Variants in FAM20C observed in about 807,000 individuals in gnomAD.
FAM20C encodes the protein extracellular serine/threonine protein kinase FAM20C.
In FAM20C, 40 loss-of-function variants were observed where a neutral mutation model predicts 51.5. That is an observed-to-expected ratio of 0.78 (90% CI 0.60 to 1.01). The LOEUF is 1.01. FAM20C is among the 50% of genes least tolerant of loss of function. The pLI is 0.00. For missense variants in FAM20C, 861 were observed against 844.7 expected (o/e 1.02, Z -0.24); for synonymous variants, 406 against 380.6 (o/e 1.07, Z -0.78).
chr7:217,262 C>T (rs1185513164), intron 3 of FAM20C, among the ~76,000 whole-genome samples: 1 of 152,060 alleles, frequency 6.6e-6, no homozygotes, highest in Non-Finnish European at 1.5e-5. Flanking sequence ...TTCTGCGGGA[C>T]CTGTGTGCAG....
chr7:258,342 A>T lies in FAM20C; in HGVS notation c.1446-304A>T, dbSNP rs553798474. Among the ~76,000 whole-genome samples, 226 of 24,382 alleles carry T rather than the reference A, an allele frequency of 9.3e-3. 9 individuals carry two copies. Among genetic ancestry groups the T allele is most frequent in the Middle Eastern group, 0.038 (1 of 26 alleles). The allele number at this position is 24,382 out of a possible 152,430, so 16.0% of individuals were successfully genotyped here. On this transcript the variant is annotated intron_variant, in intron 8 of 9. Coordinates refer to ENST00000313766, the MANE Select transcript of FAM20C (RefSeq NM_020223.4). The stretch of plus-strand genomic sequence containing the variant: ...ACTGCCCGGGGTGCTGGAGATGGGC[A>T]GGGTGGACCCACTGCCTGAGGTGCT...
chr7:259,716 C>T lies in FAM20C; in HGVS notation c.1506-15C>T, dbSNP rs1285874391. 1 of 1,527,362 alleles carries T rather than the reference C, an allele frequency of 6.5e-7. No homozygotes were observed. The highest frequency in any genetic ancestry group is 2.5e-5 in the East Asian group (1 of 40,688). 94.6% of individuals were successfully genotyped at this position (1,527,362 alleles called of 1,614,324 possible). On this transcript the variant is annotated splice_polypyrimidine_tract_variant and intron_variant, in intron 9 of 9. Coordinates refer to ENST00000313766, the MANE Select transcript of FAM20C (RefSeq NM_020223.4). ...CCCTGTCCCGTGCCAGGCCTGATGC[C>T]CCTCTCCTCCCCAGGATCCGGAAGT... is the stretch of plus-strand genomic sequence containing the variant.
chr7:196,958 C>G (rs1385949174), intron 2 of FAM20C, among the ~76,000 whole-genome samples: 2 of 152,180 alleles, frequency 1.3e-5, no homozygotes, highest in Non-Finnish European at 2.9e-5. Context: ...CCAGGCCCCC[C>G]TCCGTGAAAG....
chr7:195,372 C>T, intron 1 of FAM20C, 182 bp from the exon 2 acceptor site: 1 of 474,030 alleles, frequency 2.1e-6, no homozygotes, highest in Non-Finnish European at 3.6e-6. Flanking sequence ...TAGTTGGCAG[C>T]CGAGCGGCCA....
intron 3 of FAM20C, among the ~76,000 whole-genome samples, chr7:218,741 G>A (rs1385560972): frequency 6.6e-6 from 1 of 152,214 alleles, no homozygotes; most frequent in East Asian, 1.9e-4. Context: ...TGGGAGAGGT[G>A]ACAGGAGCTG....
At chr7:193,853 A>C (rs1785718100) in intron 1 of FAM20C, 49 bp downstream of exon 1, 13 of 1,538,134 alleles carry the variant, frequency 8.5e-6, no homozygotes, top group African/African-American at 1.4e-5. Context: ...CGTGAGCCCA[A>C]GGCATGGTGT....
At chr7:246,314 C>A in intron 3 of FAM20C, 101 bp from the exon 4 acceptor site, 1 of 998,056 alleles carries the variant, frequency 1.0e-6, no homozygotes, top group Non-Finnish European at 1.5e-6. Context: ...TGGAGCTCCA[C>A]CGCATTTTTC....
chr7:256,136 G>A, intron 6 of FAM20C, 107 bp downstream of exon 6: 1 of 1,339,258 alleles, frequency 7.5e-7, no homozygotes, highest in South Asian at 1.4e-5. Context: ...AGAGATGGGT[G>A]CAGAGCCTGC....
intron 3 of FAM20C, among the ~76,000 whole-genome samples, chr7:230,754 T>C (rs28648744): frequency 4.0e-4 from 17 of 42,422 alleles, no homozygotes; most frequent in East Asian, 2.0e-3. Flanking sequence ...TAATACCTAT[T>C]GGTAAATGAA....
chr7:216,605 C>G lies in FAM20C; in HGVS notation c.863+7629C>G, dbSNP rs112068709. 2.0e-4 allele frequency among the ~76,000 whole-genome samples: 29 copies of G among 144,932 alleles called. 1 individual carries two copies. Among genetic ancestry groups the G allele is most frequent in the African/African-American group, 7.4e-4 (28 of 37,728 alleles). ...CCTGCTCTTTCCAGCCTGGGAGTTT[C>G]TGTGTGTGTGTGTATGAGTGTGTGT... On this transcript the variant is annotated intron_variant, in intron 3 of 9. Coordinates refer to ENST00000313766, the MANE Select transcript of FAM20C (RefSeq NM_020223.4).
intron 1 of FAM20C, 124 bp downstream of exon 1, chr7:193,928 G>C (rs945908652): frequency 1.2e-5 from 16 of 1,357,528 alleles, no homozygotes; most frequent in Admixed American, 3.0e-5. Flanking sequence ...AGTGTGGTGC[G>C]GGAGGAGGCA....
chr7:232,348 C>T (rs1488347234), intron 3 of FAM20C, among the ~76,000 whole-genome samples: 1 of 152,228 alleles, frequency 6.6e-6, no homozygotes, highest in Non-Finnish European at 1.5e-5. Context: ...CCTCTCAGAC[C>T]CCGTCCAGGG....
In FAM20C at chr7:195,453, A is replaced by G. The variant is rs1032426861; in HGVS notation, c.606-101A>G. On this transcript the variant is annotated intron_variant, in intron 1 of 9. Coordinates refer to ENST00000313766, the MANE Select transcript of FAM20C (RefSeq NM_020223.4). Reference sequence around the variant, plus strand: ...CCTTCAACACATCTGCACTTGCTTGAACCCAAAGTTAAAAACACTGGCGTC... The same window carrying G: ...CCTTCAACACATCTGCACTTGCTTGGACCCAAAGTTAAAAACACTGGCGTC... The G allele has an allele frequency of 4.1e-6, 5 of 1,211,044 alleles. 1 individual carries two copies. In the Admixed American group the frequency reaches 1.4e-4, roughly 33 times the overall value. The allele number at this position is 1,211,044 out of a possible 1,614,324, so 75.0% of individuals were successfully genotyped here.
intron 8 of FAM20C, chr7:257,313 C>T (rs1016089088): frequency 3.5e-6 from 2 of 569,840 alleles, no homozygotes; most frequent in African/African-American, 1.9e-5. Flanking sequence ...ATGCTGCAGA[C>T]CAAGTCCCGG....
chr7:259,674 C>A, intron 9 of FAM20C, 57 bp from the exon 10 acceptor site: 4 of 1,466,724 alleles, frequency 2.7e-6, no homozygotes, highest in Non-Finnish European at 3.6e-6. Flanking sequence ...TCTCGCTTTC[C>A]CGTGGGCAGG....
At chr7:205,618 C>T (rs1180742117) in intron 2 of FAM20C, among the ~76,000 whole-genome samples, 2 of 152,286 alleles carry the variant, frequency 1.3e-5, no homozygotes, top group East Asian at 3.9e-4. Flanking sequence ...GAGCACACTG[C>T]CCTGAGGTCG....
At chr7:203,823 G>C (rs1249244773) in intron 2 of FAM20C, among the ~76,000 whole-genome samples, 1 of 152,166 alleles carries the variant, frequency 6.6e-6, no homozygotes, top group Non-Finnish European at 1.5e-5. Flanking sequence ...TTACAAACCG[G>C]GATTACAAGC....
Position 193,102 on chromosome 7 carries a change from G to A in FAM20C, c.-98G>A. On this transcript the variant is annotated 5_prime_UTR_variant, in exon 1 of 10. Coordinates refer to ENST00000313766, the MANE Select transcript of FAM20C (RefSeq NM_020223.4). Reference sequence around the variant, plus strand: ...AGCTGGTAGCCGCCCGGCACCGATGGACCTTGACCCGCGAGGCGGCGCCGC... The same window carrying A: ...AGCTGGTAGCCGCCCGGCACCGATGAACCTTGACCCGCGAGGCGGCGCCGC... 8.8e-7 allele frequency: 1 copy of A among 1,141,412 alleles called. No homozygotes were observed. The highest frequency in any genetic ancestry group is 1.1e-6 in the Non-Finnish European group (1 of 885,058). 70.7% of individuals were successfully genotyped at this position (1,141,412 alleles called of 1,614,324 possible).
intron 3 of FAM20C, chr7:246,176 G>A (rs560040861): frequency 2.6e-4 from 125 of 482,712 alleles, no homozygotes; most frequent in Non-Finnish European, 2.8e-4. Context: ...AGGGCCCGTC[G>A]GCAGCTGGGT....
Sources: gnomAD v4.1 joint callset for allele counts (sites outside exome capture counted in the v4.1 genomes callset) on GRCh38, gnomAD v4.1.1 for gene constraint, MANE v1.5 for transcripts, NCBI Gene and HGNC (gene_info 2026-07-23, HGNC 2026-07-21) for gene names.